The following B3GALT1 variants were observed in gnomAD, a reference collection of about 807,000 sequenced individuals.
B3GALT1 encodes the protein beta-1,3-galactosyltransferase 1.
B3GALT1 carries 10 observed loss-of-function variants against 23.2 expected under a neutral mutation model. The observed-to-expected ratio is 0.43, with a 90% confidence interval of 0.27 to 0.73. B3GALT1 has a LOEUF of 0.73. Ranked by LOEUF, B3GALT1 falls within the 30% of genes least tolerant of loss-of-function variation. The pLI, the probability that B3GALT1 is intolerant of heterozygous loss-of-function variation, is 0.21. For missense variants in B3GALT1, 299 were observed against 405.4 expected (o/e 0.74, Z 2.25); for synonymous variants, 156 against 141.5 (o/e 1.10, Z -0.73).
chr2:167,452,157 A>G (rs1374797657), intron 1 of B3GALT1, among the ~76,000 whole-genome samples: 4 of 152,002 alleles, frequency 2.6e-5, no homozygotes, highest in African/African-American at 9.7e-5. Flanking sequence ...CCCTCCTGCC[A>G]TGGCTTCTGT....
At chr2:167,695,845 A>G (rs1686783522) in intron 3 of B3GALT1, among the ~76,000 whole-genome samples, 1 of 152,040 alleles carries the variant, frequency 6.6e-6, no homozygotes, top group African/African-American at 2.4e-5. Context: ...CTTTCATCTC[A>G]TGACCTACGA....
At chr2:167,409,481 G>A (rs926443561) in intron 1 of B3GALT1, among the ~76,000 whole-genome samples, 3 of 151,494 alleles carry the variant, frequency 2.0e-5, no homozygotes, top group African/African-American at 4.9e-5. Flanking sequence ...TCTTGTCTTC[G>A]CACCATATTT....
intron 3 of B3GALT1, among the ~76,000 whole-genome samples, chr2:167,700,227 GAGTA>G (rs1273064148): frequency 1.3e-5 from 2 of 152,148 alleles, no homozygotes; most frequent in Non-Finnish European, 2.9e-5. Flanking sequence ...CTGGGTGACA[GAGTA>G]AGACCTTGTC....
chr2:167,432,610 A>G (rs1698722315), intron 1 of B3GALT1, among the ~76,000 whole-genome samples: 1 of 152,216 alleles, frequency 6.6e-6, no homozygotes, highest in Non-Finnish European at 1.5e-5. Context: ...GGAAGCCTAC[A>G]AAGAATCTCC....
chr2:167,512,959 A>G (rs1700048656), intron 2 of B3GALT1, among the ~76,000 whole-genome samples: 2 of 146,712 alleles, frequency 1.4e-5, no homozygotes, highest in South Asian at 4.2e-4. Context: ...TTATATTTAT[A>G]TATTATTTGT....
chr2:167,304,617 G>A (rs1349917225), intron 1 of B3GALT1, among the ~76,000 whole-genome samples: 1 of 151,868 alleles, frequency 6.6e-6, no homozygotes, highest in Non-Finnish European at 1.5e-5. Context: ...ATGTGTATGT[G>A]AGCATACAGA....
In B3GALT1 at chr2:167,393,037, A is replaced by T. The variant is rs1026423295; in HGVS notation, c.-510-97140A>T. Among the ~76,000 whole-genome samples, 7 of 152,220 alleles carry T rather than the reference A, an allele frequency of 4.6e-5. No homozygotes were observed. In the South Asian group the frequency reaches 8.3e-4, roughly 18 times the overall value. ...ATCACGAAGTCAGCAGATCAAGACC[A>T]TCCTGGCTAACACGGTGAAACCCCG... On this transcript the variant is annotated intron_variant, in intron 1 of 4. Transcript: ENST00000392690.
intron 3 of B3GALT1, among the ~76,000 whole-genome samples, chr2:167,676,668 C>G (rs1397735758): frequency 6.6e-6 from 1 of 151,922 alleles, no homozygotes; most frequent in African/African-American, 2.4e-5. Context: ...TTCAAATGAT[C>G]CTCCTGTCCC....
chr2:167,656,246 T>C (rs1251005826), intron 3 of B3GALT1, among the ~76,000 whole-genome samples: 2 of 152,174 alleles, frequency 1.3e-5, no homozygotes, highest in African/African-American at 4.8e-5. Context: ...CAAGTTCTAA[T>C]AGAGCTCAGT....
At chr2:167,369,949 A>C (rs1486313227) in intron 1 of B3GALT1, among the ~76,000 whole-genome samples, 1 of 152,202 alleles carries the variant, frequency 6.6e-6, no homozygotes. Flanking sequence ...CAGGTCAATT[A>C]AATATAAATA....
intron 3 of B3GALT1, among the ~76,000 whole-genome samples, chr2:167,708,757 C>G (rs1051587939): frequency 5.9e-5 from 9 of 152,204 alleles, no homozygotes; most frequent in Non-Finnish European, 1.0e-4. Flanking sequence ...AGCTCTAGCT[C>G]TCCCATTGTA....
chr2:167,453,597 G>A (rs1414203011), intron 1 of B3GALT1, among the ~76,000 whole-genome samples: 1 of 152,162 alleles, frequency 6.6e-6, no homozygotes, highest in Non-Finnish European at 1.5e-5. Context: ...AGGAAAAAGT[G>A]TTCAATGTAA....
At chr2:167,667,744 G>T (rs956540493) in intron 3 of B3GALT1, among the ~76,000 whole-genome samples, 6 of 151,792 alleles carry the variant, frequency 4.0e-5, no homozygotes. Context: ...TGATCGCATC[G>T]GCTGAGGCTT....
chr2:167,579,506 T>G (rs1684446514), intron 2 of B3GALT1, among the ~76,000 whole-genome samples: 2 of 135,564 alleles, frequency 1.5e-5, no homozygotes, highest in African/African-American at 5.6e-5. Flanking sequence ...TAAAAATCTC[T>G]AGATTTCTAG....
chr2:167,869,145 A>G lies in B3GALT1; in HGVS notation c.106A>G (p.Lys36Glu). The change falls in exon 5 of 5, where the codon AAA becomes GAA. Residue 36 changes from lysine to glutamate, a missense_variant. By Grantham distance (56) the Lys-to-Glu change is moderately conservative (BLOSUM62 1). Coordinates refer to ENST00000392690, the MANE Select transcript of B3GALT1 (RefSeq NM_020981.4). The surrounding 1 kb of genome is among the most constrained non-coding windows in gnomAD (Gnocchi z 6.4). ...TRPTSSYTGS[K>E]PFSHLTVARK... ...CCCTACTTCTTCTTACACTGGCTCC[A>G]AACCATTCAGCCACCTAACAGTTGC... 3 of 1,614,210 alleles carry G rather than the reference A, an allele frequency of 1.9e-6. No homozygotes were observed. The highest frequency in any genetic ancestry group is 2.5e-6 in the Non-Finnish European group (3 of 1,180,044).
At chr2:167,439,301 C>G (rs1298735039) in intron 1 of B3GALT1, among the ~76,000 whole-genome samples, 1 of 152,146 alleles carries the variant, frequency 6.6e-6, no homozygotes, top group Non-Finnish European at 1.5e-5. Flanking sequence ...GTTATATCAT[C>G]TTAAGCCACA....
intron 3 of B3GALT1, chr2:167,713,753 T>A (rs1025576387): frequency 6.3e-7 from 1 of 1,584,484 alleles, no homozygotes; most frequent in African/African-American, 1.3e-5. Flanking sequence ...GAATGTGGGG[T>A]TGGGGTAAAA....
intron 2 of B3GALT1, among the ~76,000 whole-genome samples, chr2:167,574,499 A>C (rs1046179360): frequency 6.6e-6 from 1 of 151,718 alleles, no homozygotes; most frequent in Non-Finnish European, 1.5e-5. Context: ...ATGATGTGGT[A>C]ATTGTACATT....
intron 3 of B3GALT1, among the ~76,000 whole-genome samples, chr2:167,730,950 C>T (rs1358154490): frequency 2.0e-5 from 3 of 152,188 alleles, no homozygotes; most frequent in Non-Finnish European, 4.4e-5. Flanking sequence ...AAAGAATAAA[C>T]CTATGAAGAA....
Sources: gnomAD v4.1 joint callset for allele counts (sites outside exome capture counted in the v4.1 genomes callset) on GRCh38, gnomAD v4.1.1 for gene constraint, Gnocchi (gnomAD v3.1) non-coding constraint, MANE v1.5 for transcripts, NCBI Gene and HGNC (gene_info 2026-07-23, HGNC 2026-07-21) for gene names.